Variants in CD2AP observed in about 807,000 individuals in gnomAD.
CD2AP encodes the protein CD2 associated protein.
Under a neutral mutation model 85.1 loss-of-function variants are expected in CD2AP, and 46 were observed. That is an observed-to-expected ratio of 0.54 (90% confidence interval 0.43 to 0.69). The LOEUF (loss-of-function observed/expected upper bound fraction) is 0.69. CD2AP is among the 30% of genes least tolerant of loss of function. CD2AP has a pLI of 0.00. For missense variants in CD2AP, 769 were observed against 729.5 expected, an observed-to-expected ratio of 1.05 and a Z score of -0.62; for synonymous variants, 255 against 252.9, an observed-to-expected ratio of 1.01 and a Z score of -0.08.
chr6:47,624,407 A>C lies in CD2AP; in HGVS notation c.*180A>C, dbSNP rs546621872. 1 of 566,818 alleles carries C rather than the reference A, an allele frequency of 1.8e-6. No individual in the cohort carries two copies. The highest frequency in any genetic ancestry group is 3.1e-6 in the Non-Finnish European group (1 of 320,592). The allele number at this position is 566,818 out of a possible 1,614,324, so 35.1% of individuals were successfully genotyped here. ...TTTATATATATATTTTGTTTTGCCAATATGAAGAAAAAGAGGCCTTATTTC... is the reference window on the plus strand; with the variant it reads ...TTTATATATATATTTTGTTTTGCCACTATGAAGAAAAAGAGGCCTTATTTC... On this transcript the variant is annotated 3_prime_UTR_variant, in exon 18 of 18. Coordinates refer to ENST00000359314, the MANE Select transcript of CD2AP (RefSeq NM_012120.3).
At chr6:47,606,949 C>T (rs1769292766) in intron 14 of CD2AP, among the ~76,000 whole-genome samples, 1 of 152,000 alleles carries the variant, frequency 6.6e-6, no homozygotes, top group Non-Finnish European at 1.5e-5. Context: ...ACCATCCCCC[C>T]ATCCCTACCG....
At position 47,608,014 on chromosome 6, in the gene CD2AP, T is replaced by C; in HGVS notation, c.1618T>C (p.Cys540Arg). ...GCCATCTGAATTAAAAAAAGATACA[T>C]GCTACTCTCCAAAGGTGAGGTGCAT... is the stretch of plus-strand genomic sequence containing the variant. ...LKPSELKKDTCYSPKPSVYLS... is the reference protein window; with the variant it reads ...LKPSELKKDTRYSPKPSVYLS... Residue 540 changes from cysteine to arginine, a missense_variant, in exon 15 of 18, where the codon TGC becomes CGC. Cys to Arg is a radical substitution (Grantham distance 180). Coordinates refer to ENST00000359314, the MANE Select transcript of CD2AP (RefSeq NM_012120.3). 3 of 1,610,872 alleles carry C rather than the reference T, an allele frequency of 1.9e-6. No individual in the cohort carries two copies. Among genetic ancestry groups the C allele is most frequent in the East Asian group, 2.2e-5 (1 of 44,784 alleles).
At position 47,477,921 on chromosome 6, in the gene CD2AP, G is replaced by C. The variant is rs886061512; in HGVS notation, c.-324G>C. The C allele has an allele frequency of 4.6e-5, 22 of 475,406 alleles. 1 individual carries two copies. The Middle Eastern group carries it at 2.3e-3, about 49-fold the overall frequency. 29.4% of individuals were successfully genotyped at this position (475,406 alleles called of 1,614,324 possible). A position where few individuals can be genotyped will look rare whatever the true frequency, so the allele number is the denominator to read the frequency against. On this transcript the variant is annotated 5_prime_UTR_variant, in exon 1 of 18. Transcript: ENST00000359314. Reference sequence around the variant, plus strand: ...AGCCGAGGGTCTGGGCAAACCGGTGGGTCCCTCCCCACTGCGGGAGCGGCC... The same window carrying C: ...AGCCGAGGGTCTGGGCAAACCGGTGCGTCCCTCCCCACTGCGGGAGCGGCC...
chr6:47,520,513 CAG>C (rs1766559715), intron 2 of CD2AP, among the ~76,000 whole-genome samples: 1 of 152,018 alleles, frequency 6.6e-6, no homozygotes, highest in Non-Finnish European at 1.5e-5. Context: ...CCGCTGACAG[CAG>C]GGGGAAGGAA....
intron 1 of CD2AP, among the ~76,000 whole-genome samples, chr6:47,497,325 C>CCTTTCATTTT (rs1765885149): frequency 6.8e-6 from 1 of 146,892 alleles, no homozygotes; most frequent in Non-Finnish European, 1.5e-5. Context: ...CCTTTCCTTT[C>CCTTTCATTTT]CTTTCCTTTC....
rs1767892778 is a variant in CD2AP, at chr6:47,562,677, G to A, written c.541+7911G>A. On this transcript the variant is annotated intron_variant, in intron 5 of 17. Coordinates refer to ENST00000359314, the MANE Select transcript of CD2AP (RefSeq NM_012120.3). ...GATGTTAATACTGCCACTGCTTTAT[G>A]GGAGGTTCAGAAGACCACCCTCATC... is the stretch of plus-strand genomic sequence containing the variant. The A allele has an allele frequency of 8.3e-6, 5 of 604,326 alleles. No homozygotes were observed. In the East Asian group the frequency reaches 1.3e-4, roughly 16 times the overall value. The allele number at this position is 604,326 out of a possible 1,614,324, so 37.4% of individuals were successfully genotyped here. A position where few individuals can be genotyped will look rare whatever the true frequency, so the allele number is the denominator to read the frequency against.
At chr6:47,535,226 T>G (rs917989877) in intron 3 of CD2AP, among the ~76,000 whole-genome samples, 5 of 152,184 alleles carry the variant, frequency 3.3e-5, no homozygotes, top group African/African-American at 1.2e-4. Flanking sequence ...AAGGTCTGAT[T>G]GCAAAAATTC....
chr6:47,532,734 C>T (rs1003826009), intron 2 of CD2AP, among the ~76,000 whole-genome samples: 20 of 152,074 alleles, frequency 1.3e-4, no homozygotes, highest in African/African-American at 4.8e-4. Flanking sequence ...TGTTCTTAGC[C>T]TTTTGTTCTG....
intron 4 of CD2AP, among the ~76,000 whole-genome samples, chr6:47,547,089 CACAG>C (rs1767383098): frequency 6.6e-6 from 1 of 152,118 alleles, no homozygotes; most frequent in Admixed American, 6.5e-5. Context: ...GCATAAATCT[CACAG>C]GACCTATAAA....
chr6:47,582,175 A>C, intron 11 of CD2AP, 110 bp downstream of exon 11: 1 of 743,126 alleles, frequency 1.3e-6, no homozygotes, highest in Admixed American at 1.9e-5. Context: ...ACAGGTATTC[A>C]GTATGTATTT....
At chr6:47,565,687 C>T (rs955022480) in intron 5 of CD2AP, among the ~76,000 whole-genome samples, 4 of 152,094 alleles carry the variant, frequency 2.6e-5, no homozygotes, top group Non-Finnish European at 5.9e-5. Flanking sequence ...TTTTTAACCT[C>T]GCACCCTACC....
rs1296220247 is a variant in CD2AP at position 47,503,287 on chromosome 6, TA to T, written c.13del (p.Ile5LeufsTer14). The T allele has an allele frequency of 6.2e-7, 1 of 1,613,516 alleles. No homozygotes were observed. Among genetic ancestry groups the T allele is most frequent in the Non-Finnish European group, 8.5e-7 (1 of 1,179,692 alleles). On this transcript the variant is annotated frameshift_variant, in exon 2 of 18. Transcript: ENST00000359314. LOFTEE classifies it high-confidence loss of function. ...TTTTTCCCCCTTTTTTAGTTGACTA[TA>T]TTGTGGAGTATGACTATGATGCTGT... MVDY[I>X]VEYDYDAVHD...
chr6:47,513,892 T>G (rs78842280), intron 2 of CD2AP, among the ~76,000 whole-genome samples: 35,062 of 141,292 alleles, frequency 0.25, 4,456 homozygotes, highest in African/African-American at 0.28. Context: ...AATTTTTTTT[T>G]GGGGGGGGGG....
intron 6 of CD2AP, 28 bp downstream of exon 6, chr6:47,574,279 C>T (rs749616791): frequency 3.8e-6 from 6 of 1,571,894 alleles, no homozygotes; most frequent in Non-Finnish European, 5.3e-6. Flanking sequence ...GTTAGATTAA[C>T]TCCACTCATT....
intron 14 of CD2AP, 23 bp from the exon 15 acceptor site, chr6:47,607,904 T>G (rs1200340654): frequency 6.5e-7 from 1 of 1,543,422 alleles, no homozygotes. Flanking sequence ...ATTATGTCTC[T>G]TGACTTCTAA....
intron 4 of CD2AP, among the ~76,000 whole-genome samples, chr6:47,551,542 A>G (rs367677085): frequency 5.9e-5 from 9 of 152,318 alleles, no homozygotes; most frequent in East Asian, 1.9e-4. Flanking sequence ...CTAAGAAGAT[A>G]GGTATTTTTA....
At chr6:47,586,306 G>C (rs766263548) in intron 11 of CD2AP, among the ~76,000 whole-genome samples, 5 of 152,080 alleles carry the variant, frequency 3.3e-5, no homozygotes, top group African/African-American at 9.7e-5. Flanking sequence ...CAGTAGAGTG[G>C]AAACTGCAGA....
chr6:47,577,425 C>T (rs1029810685), intron 8 of CD2AP, among the ~76,000 whole-genome samples: 2 of 152,062 alleles, frequency 1.3e-5, no homozygotes, highest in South Asian at 2.1e-4. Context: ...TTCTCTTCCA[C>T]CTCATTCTAT....
At chr6:47,569,566 C>A (rs1023379807) in intron 5 of CD2AP, among the ~76,000 whole-genome samples, 6 of 151,426 alleles carry the variant, frequency 4.0e-5, no homozygotes, top group African/African-American at 1.5e-4. Context: ...TCACACAAAA[C>A]ATTTAAGAAA....
Sources: gnomAD v4.1 joint callset for allele counts (sites outside exome capture counted in the v4.1 genomes callset) on GRCh38, gnomAD v4.1.1 for gene constraint, MANE v1.5 for transcripts, NCBI Gene and HGNC (gene_info 2026-07-23, HGNC 2026-07-21) for gene names.